Variants in RNF11 observed in about 807,000 individuals in gnomAD.
RNF11 encodes ring finger protein 11.
RNF11 carries 4 observed loss-of-function variants against 15.8 expected under a neutral mutation model. The observed-to-expected ratio is 0.25, with a 90% CI of 0.12 to 0.58. RNF11 has a LOEUF of 0.58. Among genes scored for constraint, RNF11 ranks in the 20% least tolerant of loss-of-function variants. The probability of loss-of-function intolerance (pLI) is 0.91; values close to 1 mark genes in which losing one functional copy is unlikely to be tolerated. For missense variants in RNF11, 139 were observed against 194.4 expected (o/e 0.71, Z 1.70); for synonymous variants, 68 against 72.3 (o/e 0.94, Z 0.30).
At chr1:51,249,457 GT>G (rs1646867240) in intron 1 of RNF11, among the ~76,000 whole-genome samples, 2 of 152,116 alleles carry the variant, frequency 1.3e-5, no homozygotes, top group Admixed American at 1.3e-4. Context: ...AATATAGTCT[GT>G]TTCCAAGCCC....
At chr1:51,265,152 C>T (rs1186130495) in intron 1 of RNF11, 1 of 152,082 alleles carries the variant, frequency 6.6e-6, no homozygotes, top group African/African-American at 2.4e-5. Flanking sequence ...ATGGTGAAAC[C>T]CTGTCTCTAC....
intron 1 of RNF11, among the ~76,000 whole-genome samples, chr1:51,249,666 G>C (rs925606991): frequency 2.0e-5 from 3 of 152,112 alleles, no homozygotes; most frequent in Non-Finnish European, 4.4e-5. Context: ...TTGCTATGCA[G>C]TATTCAAAAT....
In RNF11 at chr1:51,263,088, C is replaced by T. The variant is rs74359420; in HGVS notation, c.124-6868C>T. On this transcript the variant is annotated intron_variant, in intron 1 of 2. Coordinates refer to ENST00000242719, the MANE Select transcript of RNF11 (RefSeq NM_014372.5). ...ACAACCATCACTTACCAATACAGCTCTCGATGGGATTGTAAGATGGTGCAG... is the reference window on the plus strand; with the variant it reads ...ACAACCATCACTTACCAATACAGCTTTCGATGGGATTGTAAGATGGTGCAG... Among the ~76,000 whole-genome samples, 907 of 152,196 alleles carry T rather than the reference C, an allele frequency of 6.0e-3. 13 individuals carry two copies. Among genetic ancestry groups the T allele is most frequent in the African/African-American group, 0.021 (860 of 41,530 alleles).
At chr1:51,241,317 G>C (rs1304855083) in intron 1 of RNF11, among the ~76,000 whole-genome samples, 1 of 152,140 alleles carries the variant, frequency 6.6e-6, no homozygotes, top group Non-Finnish European at 1.5e-5. Context: ...CAGGCTGGAG[G>C]GCAGTAGCTA....
intron 1 of RNF11, among the ~76,000 whole-genome samples, chr1:51,266,403 CT>C (rs1351958067): frequency 2.7e-5 from 4 of 146,624 alleles, no homozygotes; most frequent in Admixed American, 6.8e-5. Context: ...AGCAGTTTTT[CT>C]TTTTTTTTTC....
At chr1:51,242,292 A>T (rs532426882) in intron 1 of RNF11, among the ~76,000 whole-genome samples, 2 of 151,722 alleles carry the variant, frequency 1.3e-5, no homozygotes, top group African/African-American at 4.8e-5. Flanking sequence ...GGATATTTCA[A>T]ATTGTGTCTG....
intron 1 of RNF11, among the ~76,000 whole-genome samples, chr1:51,239,177 A>G (rs1569648604): frequency 6.6e-6 from 1 of 152,000 alleles, no homozygotes; most frequent in African/African-American, 2.4e-5. Flanking sequence ...CCCCTTTCTT[A>G]ATTGAATATC....
Position 51,236,646 on chromosome 1 carries a change from C to A in RNF11, c.-111C>A. 6.8e-7 allele frequency: 1 copy of A among 1,468,518 alleles called. No homozygotes were observed. Among genetic ancestry groups the A allele is most frequent in the Non-Finnish European group, 9.3e-7 (1 of 1,069,584 alleles). 91.0% of individuals were successfully genotyped at this position (1,468,518 alleles called of 1,614,324 possible). A position where few individuals can be genotyped will look rare whatever the true frequency, so the allele number is the denominator to read the frequency against. On this transcript the variant is annotated 5_prime_UTR_variant, in exon 1 of 3. Coordinates refer to ENST00000242719, the MANE Select transcript of RNF11 (RefSeq NM_014372.5). ...GGCGGTGGAGTCGCCTCCGCCTGAT[C>A]CCCGGCCTGTCGCCCGACCCCACCT...
chr1:51,266,412 T>G (rs546095268), intron 1 of RNF11, among the ~76,000 whole-genome samples: 2 of 152,252 alleles, frequency 1.3e-5, no homozygotes, highest in African/African-American at 4.8e-5. Flanking sequence ...TCTTTTTTTT[T>G]TCTTTTTGAG....
intron 1 of RNF11, among the ~76,000 whole-genome samples, chr1:51,261,772 C>T (rs867588985): frequency 7.2e-5 from 11 of 151,896 alleles, no homozygotes; most frequent in Non-Finnish European, 1.2e-4. Flanking sequence ...ACTGCAAGCT[C>T]GTCCTCCCGG....
chr1:51,269,875 C>A, intron 1 of RNF11, 81 bp from the exon 2 acceptor site: 1 of 1,226,146 alleles, frequency 8.2e-7, no homozygotes, highest in Non-Finnish European at 1.2e-6. Flanking sequence ...GGCTCCCTTT[C>A]CCTTCTATCT....
At chr1:51,260,132 G>A (rs1461479944) in intron 1 of RNF11, among the ~76,000 whole-genome samples, 1 of 152,154 alleles carries the variant, frequency 6.6e-6, no homozygotes, top group East Asian at 1.9e-4. Flanking sequence ...TTAACATACG[G>A]ATCCTGCACA....
intron 1 of RNF11, among the ~76,000 whole-genome samples, chr1:51,241,971 A>G (rs1646831070): frequency 6.6e-6 from 1 of 152,164 alleles, no homozygotes; most frequent in South Asian, 2.1e-4. Flanking sequence ...ACAACAAACC[A>G]TGTTACATTT....
At chr1:51,264,290 ATATATATAT>A (rs1557682303) in intron 1 of RNF11, among the ~76,000 whole-genome samples, 31 of 67,206 alleles carry the variant, frequency 4.6e-4, no homozygotes, top group African/African-American at 1.5e-3. Flanking sequence ...AAAAAAAAAT[ATATATATAT>A]ATATATATAT....
At chr1:51,262,750 T>A (rs1214267740) in intron 1 of RNF11, among the ~76,000 whole-genome samples, 1 of 143,900 alleles carries the variant, frequency 6.9e-6, no homozygotes, top group African/African-American at 2.7e-5. Flanking sequence ...GTATTTTTAG[T>A]AGAGACAAGG....
At position 51,271,203 on chromosome 1, in the gene RNF11, C is replaced by T. The variant is rs866084029; in HGVS notation, c.346C>T (p.Pro116Ser). 2 of 1,613,986 alleles carry T rather than the reference C, an allele frequency of 1.2e-6. No individual in the cohort carries two copies. Among genetic ancestry groups the T allele is most frequent in the African/African-American group, 1.3e-5 (1 of 75,042 alleles). Reference sequence around the variant, plus strand: ...TTATGGGGACCCAATTCGATTTCTGCCGTGCATGCACATCTATCACCTGGA... The same window carrying T: ...TTATGGGGACCCAATTCGATTTCTGTCGTGCATGCACATCTATCACCTGGA... ...FVYGDPIRFL[P>S]CMHIYHLDCI... Residue 116 changes from proline (P) to serine (S), a missense_variant, in exon 3 of 3, where the codon CCG (proline) becomes TCG (serine). By Grantham distance (74) the Pro-to-Ser change is moderately conservative. Coordinates refer to ENST00000242719, the MANE Select transcript of RNF11 (RefSeq NM_014372.5).
At chr1:51,242,227 ATT>A (rs59769372) in intron 1 of RNF11, among the ~76,000 whole-genome samples, 3,196 of 152,148 alleles carry the variant, frequency 0.021, 94 homozygotes, top group African/African-American at 0.065. Context: ...AAAGGAAAGA[ATT>A]TATCAGATTG....
At chr1:51,241,415 A>G (rs1646828724) in intron 1 of RNF11, among the ~76,000 whole-genome samples, 1 of 152,208 alleles carries the variant, frequency 6.6e-6, no homozygotes, top group Non-Finnish European at 1.5e-5. Flanking sequence ...AGCTGGGACT[A>G]CAGGGTTACA....
intron 1 of RNF11, among the ~76,000 whole-genome samples, chr1:51,265,633 A>G (rs1646951521): frequency 1.3e-5 from 2 of 152,222 alleles, no homozygotes; most frequent in African/African-American, 4.8e-5. Context: ...GGGCAAGCCC[A>G]TGTGTCTCCT....
Sources: allele counts gnomAD v4.1 joint callset (sites outside exome capture counted in the v4.1 genomes callset), GRCh38; gene constraint gnomAD v4.1.1; transcripts MANE v1.5; gene names NCBI Gene and HGNC (gene_info 2026-07-23, HGNC 2026-07-21).